The following LYZL6 variants were observed in gnomAD, a reference collection of about 807,000 sequenced individuals.
LYZL6 encodes lysozyme like 6.
LYZL6 carries 21 observed loss-of-function variants against 15.0 expected under a neutral mutation model. That is an observed-to-expected ratio of 1.40 (90% CI 1.00 to 2.02). LYZL6 has a LOEUF of 2.02. LYZL6 is among the 30% of genes most tolerant of loss of function. The pLI is 0.00. For missense variants in LYZL6, 173 were observed against 180.5 expected (o/e 0.96, Z 0.24); for synonymous variants, 72 against 67.8 (o/e 1.06, Z -0.31).
At chr17:35,934,980 T>C (rs774726058) in intron 4 of LYZL6, 115 bp from the exon 5 acceptor site, 36 of 616,204 alleles carry the variant, frequency 5.8e-5, no homozygotes, top group Admixed American at 3.7e-4. Context: ...CCGTCATTGC[T>C]AGCTAGCCCT....
chr17:35,939,457 G>A lies in LYZL6; in HGVS notation c.-101C>T. On this transcript the variant is annotated 5_prime_UTR_variant, in exon 2 of 5. Transcript: ENST00000615905. ...GAGCCTGGGGAATCTGGAGAGGGCA[G>A]CCAGGTTTCCTTACTCACTCACTGC... is the stretch of plus-strand genomic sequence containing the variant. The A allele has an allele frequency of 1.6e-6, 2 of 1,265,382 alleles. No homozygotes were observed. Among genetic ancestry groups the A allele is most frequent in the East Asian group, 2.4e-5 (1 of 42,396 alleles). The allele number at this position is 1,265,382 out of a possible 1,614,324, so 78.4% of individuals were successfully genotyped here.
intron 3 of LYZL6, 26 bp from the exon 4 acceptor site, chr17:35,936,859 T>G (rs1360248346): frequency 1.2e-6 from 2 of 1,602,620 alleles, no homozygotes; most frequent in Admixed American, 1.7e-5. Flanking sequence ...AGAAAACCTG[T>G]GAGGGCACAG....
chr17:35,941,178 A>T (rs958459521), intron 1 of LYZL6, among the ~76,000 whole-genome samples: 5 of 152,338 alleles, frequency 3.3e-5, no homozygotes, highest in Middle Eastern at 3.4e-3. Flanking sequence ...TGTCTTCTTG[A>T]CAAAAGGTAT....
chr17:35,936,970 C>T (rs948365806), intron 3 of LYZL6, 137 bp from the exon 4 acceptor site: 8 of 703,074 alleles, frequency 1.1e-5, no homozygotes, highest in African/African-American at 3.5e-5. Context: ...CCAGGGGGCC[C>T]ATTTAGACAT....
Position 35,934,849 on chromosome 17 carries a change from GCAACCTC to G in LYZL6, c.387_393del (p.Trp129CysfsTer12), listed in dbSNP as rs1180525388. The G allele has an allele frequency of 6.2e-7, 1 of 1,614,012 alleles. No individual in the cohort carries two copies. Among genetic ancestry groups the G allele is most frequent in the African/African-American group, 1.3e-5 (1 of 74,916 alleles). On this transcript the variant is annotated frameshift_variant, in exon 5 of 5. Coordinates refer to ENST00000615905, the MANE Select transcript of LYZL6 (RefSeq NM_020426.4). LOFTEE classifies it high-confidence loss of function. ...TAGAAGAGTGGCCGGCCTGAACAGT[GCAACCTC>G]CATTCTACCCTGCGGAGAAAAAAGA...
chr17:35,934,811 TC>T lies in LYZL6; in HGVS notation c.431del (p.Gly144AspfsTer4). On this transcript the variant is annotated frameshift_variant, in exon 5 of 5. Coordinates refer to ENST00000615905, the MANE Select transcript of LYZL6 (RefSeq NM_020426.4). LOFTEE classifies it high-confidence loss of function. ...SGRPLFYWLTGCRLR is the reference protein window; with the variant it reads ...SGRPLFYWLTXCRLR The stretch of plus-strand genomic sequence containing the variant: ...GCACCCTGTTTCATCTCAGGCGGCA[TC>T]CTGTCAGCCAGTAGAAGAGTGGCCG... 1 of 1,614,198 alleles carries T rather than the reference TC, an allele frequency of 6.2e-7. No individual in the cohort carries two copies. The highest frequency in any genetic ancestry group is 8.5e-7 in the Non-Finnish European group (1 of 1,180,038).
rs2089389751 is a variant in LYZL6 at position 35,937,877 on chromosome 17, G to C, written c.179C>G (p.Ser60Ter). The change falls in exon 3 of 5, where the codon TCA becomes TGA. Residue 60 changes from serine to a stop codon, truncating the protein, a stop_gained. Coordinates refer to ENST00000615905, the MANE Select transcript of LYZL6 (RefSeq NM_020426.4). LOFTEE classifies it high-confidence loss of function. ...LAFVESKFNI[S>*]KINENADGSF... ...TCCGTCTGCATTTTCATTTATCTTT[G>C]ATATGTTGAACTTGCTTTCCACAAA... 1 of 1,613,948 alleles carries C rather than the reference G, an allele frequency of 6.2e-7. No individual in the cohort carries two copies. The highest frequency in any genetic ancestry group is 1.7e-5 in the Admixed American group (1 of 60,000).
chr17:35,938,729 C>G (rs563332980), intron 2 of LYZL6, among the ~76,000 whole-genome samples: 2 of 151,760 alleles, frequency 1.3e-5, no homozygotes, highest in South Asian at 2.1e-4. Context: ...CCCTTCCATG[C>G]AGGAGGAGAA....
chr17:35,938,632 A>C (rs973910815), intron 2 of LYZL6, among the ~76,000 whole-genome samples: 1 of 150,572 alleles, frequency 6.6e-6, no homozygotes, highest in African/African-American at 2.4e-5. Context: ...AAAAAAAAAA[A>C]GGTACCTAAA....
Position 35,937,848 on chromosome 17 carries a change from A to C in LYZL6, c.208T>G (p.Phe70Val). 1 of 1,614,140 alleles carries C rather than the reference A, an allele frequency of 6.2e-7. No homozygotes were observed. Among genetic ancestry groups the C allele is most frequent in the South Asian group, 1.1e-5 (1 of 91,086 alleles). The change falls in exon 3 of 5, where the codon TTT (phenylalanine) becomes GTT (valine). Residue 70 changes from phenylalanine to valine, a missense_variant. Coordinates refer to ENST00000615905, the MANE Select transcript of LYZL6 (RefSeq NM_020426.4). ...TTGATCTGGAAGAGGCCATAGTCAA[A>C]GCTTCCGTCTGCATTTTCATTTATC... ...SKINENADGS[F>V]DYGLFQINSH...
intron 1 of LYZL6, among the ~76,000 whole-genome samples, chr17:35,942,665 G>T (rs1030291874): frequency 4.6e-5 from 7 of 152,158 alleles, no homozygotes; most frequent in African/African-American, 1.7e-4. Flanking sequence ...CAGCCTGAAA[G>T]AGCAAAGGGT....
rs767370964 is a variant in LYZL6 at position 35,936,826 on chromosome 17, C to T, written c.306G>A (p.Leu102=). ...GGATGCCTGCAAGAAGGTTGGGATTCAGCAGATCTGAAAGGGAGGAAGAGA... is the reference window on the plus strand; with the variant it reads ...GGATGCCTGCAAGAAGGTTGGGATTTAGCAGATCTGAAAGGGAGGAAGAGA... The part of the protein sequence containing the change: ...NLCHVDCQDL[L]NPNLLAGIHC... The change falls in exon 4 of 5, where the codon CTG becomes CTA. Residue 102 remains leucine (L), a synonymous_variant. Coordinates refer to ENST00000615905, the MANE Select transcript of LYZL6 (RefSeq NM_020426.4). 1.9e-5 allele frequency: 31 copies of T among 1,613,512 alleles called. No individual in the cohort carries two copies. The highest frequency in any genetic ancestry group is 3.3e-4 in the Middle Eastern group (2 of 6,084).
At chr17:35,936,537 A>G (rs2089374614) in intron 4 of LYZL6, among the ~76,000 whole-genome samples, 2 of 152,026 alleles carry the variant, frequency 1.3e-5, no homozygotes, top group Non-Finnish European at 2.9e-5. Context: ...AATTTCCCCC[A>G]GCTAGCTCAA....
chr17:35,940,674 C>G (rs998455109), intron 1 of LYZL6, among the ~76,000 whole-genome samples: 3 of 152,168 alleles, frequency 2.0e-5, no homozygotes, highest in African/African-American at 7.2e-5. Context: ...ACTGCCCATC[C>G]CCCACCTCCC....
rs572155462 is a variant in LYZL6 at position 35,938,053 on chromosome 17, A to G, written c.140-137T>C. The stretch of plus-strand genomic sequence containing the variant: ...GCAAGATAGGACTAGAGGGCTTGAA[A>G]TCTCCATTGACTTGCCCTCTTATCC... On this transcript the variant is annotated intron_variant, in intron 2 of 4. Coordinates refer to ENST00000615905, the MANE Select transcript of LYZL6 (RefSeq NM_020426.4). 7 of 752,548 alleles carry G rather than the reference A, an allele frequency of 9.3e-6. No homozygotes were observed. In the Admixed American group the frequency reaches 1.7e-4, roughly 18 times the overall value. The allele number at this position is 752,548 out of a possible 1,614,324, so 46.6% of individuals were successfully genotyped here.
intron 4 of LYZL6, 37 bp downstream of exon 4, chr17:35,936,718 G>T (rs751370481): frequency 1.9e-6 from 3 of 1,586,974 alleles, no homozygotes; most frequent in Non-Finnish European, 1.7e-6. Flanking sequence ...CTCCTTCGTG[G>T]GGCTCTGCCC....
Position 35,939,348 on chromosome 17 carries a change from C to T in LYZL6, c.9G>A (p.Lys3=). MT[K]ALLIYLVSSF... is the part of the protein sequence containing the mutation. Reference sequence around the variant, plus strand: ...TGCTGACCAAATAGATGAGTAGCGCCTTTGTCATCCTTGGAGGGGAGGAGG... The same window carrying T: ...TGCTGACCAAATAGATGAGTAGCGCTTTTGTCATCCTTGGAGGGGAGGAGG... Residue 3 remains lysine (K), a synonymous_variant, in exon 2 of 5, where the codon AAG becomes AAA. Transcript: ENST00000615905. The T allele has an allele frequency of 6.2e-7, 1 of 1,614,046 alleles. No homozygotes were observed. The highest frequency in any genetic ancestry group is 8.5e-7 in the Non-Finnish European group (1 of 1,179,962).
chr17:35,935,799 A>T (rs1398290722), intron 4 of LYZL6, among the ~76,000 whole-genome samples: 1 of 148,052 alleles, frequency 6.8e-6, no homozygotes, highest in African/African-American at 2.5e-5. Flanking sequence ...GGAGTGAGCC[A>T]CTGCGCCCAG....
chr17:35,936,108 C>A (rs2089370398), intron 4 of LYZL6, among the ~76,000 whole-genome samples: 1 of 152,230 alleles, frequency 6.6e-6, no homozygotes, highest in Admixed American at 6.5e-5. Flanking sequence ...AGCCACCATG[C>A]CCGGTCCACA....
Sources: allele counts gnomAD v4.1 joint callset (sites outside exome capture counted in the v4.1 genomes callset), GRCh38; gene constraint gnomAD v4.1.1; transcripts MANE v1.5; gene names NCBI Gene and HGNC (gene_info 2026-07-23, HGNC 2026-07-21).